Variants in CENPU observed in about 807,000 individuals in gnomAD.
The protein encoded by CENPU is centromere protein U.
CENPU carries 46 observed loss-of-function variants against 56.7 expected under a neutral mutation model. That is an observed-to-expected ratio of 0.81 (90% CI 0.64 to 1.04). The LOEUF (loss-of-function observed/expected upper bound fraction) is 1.04, where lower values mean the gene tolerates loss of function less well. CENPU is among the 50% of genes least tolerant of loss of function. CENPU has a pLI of 0.00. For synonymous variants in CENPU, 166 were observed against 163.0 expected (o/e 1.02, Z -0.14); for missense variants, 510 against 490.1 (o/e 1.04, Z -0.38).
chr4:184,699,536 C>T (rs1289847537), intron 11 of CENPU: 2 of 1,283,908 alleles, frequency 1.6e-6, no homozygotes. Context: ...ATTATATTTA[C>T]CTTTAGTTTT....
chr4:184,717,159 A>G lies in CENPU; in HGVS notation c.358T>C (p.Ser120Pro). 1 of 1,612,406 alleles carries G rather than the reference A, an allele frequency of 6.2e-7. No individual in the cohort carries two copies. The highest frequency in any genetic ancestry group is 1.7e-4 in the Middle Eastern group (1 of 5,800). The change falls in exon 5 of 13, where the codon TCT becomes CCT. Residue 120 changes from serine (S) to proline (P), a missense_variant. Ser to Pro is a moderately conservative substitution (Grantham distance 74). Transcript: ENST00000281453. ...TSGNEASEIE[S>P]VKISAKKPGR... ...ACCTTTTTTGCACTAATTTTTACAG[A>G]TTCGATTTCACTTGCTTCATTTCCA... is the stretch of plus-strand genomic sequence containing the variant.
At chr4:184,721,636 A>C (rs1049942820) in intron 4 of CENPU, among the ~76,000 whole-genome samples, 1 of 152,192 alleles carries the variant, frequency 6.6e-6, no homozygotes, top group Admixed American at 6.5e-5. Context: ...TTTAAGACAG[A>C]AACTGTAAGA....
chr4:184,707,138 TGA>T (rs1760755287), intron 8 of CENPU, among the ~76,000 whole-genome samples: 1 of 151,144 alleles, frequency 6.6e-6, no homozygotes, highest in Non-Finnish European at 1.5e-5. Flanking sequence ...ATGATAATGA[TGA>T]GTTGGCATGA....
At chr4:184,733,113 C>T (rs1354657625) in intron 1 of CENPU, among the ~76,000 whole-genome samples, 4 of 152,110 alleles carry the variant, frequency 2.6e-5, no homozygotes, top group Non-Finnish European at 5.9e-5. Context: ...ACAACAAAAA[C>T]CACTAGCCTT....
intron 4 of CENPU, among the ~76,000 whole-genome samples, chr4:184,723,791 C>A (rs1761358067): frequency 7.3e-6 from 1 of 137,632 alleles, no homozygotes; most frequent in African/African-American, 2.8e-5. Flanking sequence ...TACAGTGAGC[C>A]AAGATTGCGC....
At chr4:184,710,741 C>T (rs1760894185) in intron 7 of CENPU, among the ~76,000 whole-genome samples, 1 of 152,136 alleles carries the variant, frequency 6.6e-6, no homozygotes, top group African/African-American at 2.4e-5. Context: ...ACAATGCTCT[C>T]CCTTTTATTG....
rs1761097037 is a variant in CENPU, at chr4:184,716,436, G to A, written c.579C>T (p.Pro193=). Residue 193 remains proline (P), a synonymous_variant, in exon 6 of 13, where the codon CCC becomes CCT. Transcript: ENST00000281453. The part of the protein sequence containing the change: ...SKKTGPLSAQ[P]SVEKENLAIE... ...TTGCCAAGTTCTCTTTTTCAACAGA[G>A]GGCTGGGCACTAAGGGGTCCTGTCT... 6.2e-7 allele frequency: 1 copy of A among 1,614,120 alleles called. No homozygotes were observed. The highest frequency in any genetic ancestry group is 8.5e-7 in the Non-Finnish European group (1 of 1,179,990).
chr4:184,729,043 T>G lies in CENPU; in HGVS notation c.97-8A>C. ...GCACTTTTGACCAGCTTTCTAAAAG[T>G]GAATAAAGTTGAGTCATTGAGTTGG... On this transcript the variant is annotated splice_polypyrimidine_tract_variant and splice_region_variant and intron_variant, in intron 2 of 12. Transcript: ENST00000281453. The G allele has an allele frequency of 6.3e-7, 1 of 1,597,716 alleles. No homozygotes were observed. Among genetic ancestry groups the G allele is most frequent in the Non-Finnish European group, 8.6e-7 (1 of 1,166,948 alleles).
intron 4 of CENPU, among the ~76,000 whole-genome samples, chr4:184,722,031 C>T (rs185062843): frequency 5.9e-5 from 9 of 152,114 alleles, no homozygotes; most frequent in East Asian, 3.9e-4. Flanking sequence ...TTTTAAAAAC[C>T]GAAATATCAA....
chr4:184,721,341 C>A (rs1220303543), intron 4 of CENPU, among the ~76,000 whole-genome samples: 1 of 150,852 alleles, frequency 6.6e-6, no homozygotes, highest in East Asian at 1.9e-4. Context: ...GAAGAGAGGG[C>A]CACAAAACAA....
chr4:184,696,499 C>A (rs1760322738), intron 12 of CENPU, among the ~76,000 whole-genome samples: 1 of 152,092 alleles, frequency 6.6e-6, no homozygotes, highest in Non-Finnish European at 1.5e-5. Context: ...AATTTAGTAA[C>A]AAACTCCAAA....
At chr4:184,733,055 T>G (rs1434087043) in intron 1 of CENPU, among the ~76,000 whole-genome samples, 1 of 151,650 alleles carries the variant, frequency 6.6e-6, no homozygotes, top group Non-Finnish European at 1.5e-5. Context: ...ATGAACAGAT[T>G]TCATGAGTCT....
intron 6 of CENPU, among the ~76,000 whole-genome samples, chr4:184,714,622 T>C (rs1281429002): frequency 4.6e-5 from 7 of 152,176 alleles, no homozygotes; most frequent in Admixed American, 6.5e-5. Flanking sequence ...TGGATGTATA[T>C]TTTTAACCCA....
At chr4:184,723,733 C>G (rs1220722574) in intron 4 of CENPU, among the ~76,000 whole-genome samples, 1 of 150,138 alleles carries the variant, frequency 6.7e-6, no homozygotes, top group Non-Finnish European at 1.5e-5. Flanking sequence ...GTCCAAGCTA[C>G]TCGGGAGGGT....
Position 184,734,026 on chromosome 4 carries a change from T to A in CENPU, c.37A>T (p.Arg13Trp). The A allele has an allele frequency of 1.3e-6, 2 of 1,596,556 alleles. No homozygotes were observed. The highest frequency in any genetic ancestry group is 2.3e-5 in the East Asian group (1 of 43,416). Reference sequence around the variant, plus strand: ...GTCGGCAGTACTTACCCCTCAGACCTGTGAGGCCGCGGCCGCCGCCGCCCC... The same window carrying A: ...GTCGGCAGTACTTACCCCTCAGACCAGTGAGGCCGCGGCCGCCGCCGCCCC... ...PRGRRRPRPH[R>W]SEGARRSKNT... Residue 13 changes from arginine to tryptophan, a missense_variant, in exon 1 of 13, where the codon AGG becomes TGG. Arg to Trp is a moderately radical substitution (Grantham distance 101, BLOSUM62 -3). Transcript: ENST00000281453.
chr4:184,702,060 CTA>C (rs1326315945), intron 10 of CENPU, 27 bp downstream of exon 10: 8 of 1,474,016 alleles, frequency 5.4e-6, no homozygotes, highest in Non-Finnish European at 7.6e-6. Flanking sequence ...GTGTTTGACT[CTA>C]TGACTCTAAT....
intron 4 of CENPU, among the ~76,000 whole-genome samples, chr4:184,718,416 C>A (rs1761165744): frequency 6.6e-6 from 1 of 152,258 alleles, no homozygotes; most frequent in Non-Finnish European, 1.5e-5. Context: ...TCAGTGTCTA[C>A]TCACCCCAGG....
chr4:184,698,152 C>A (rs1040556801), intron 11 of CENPU: 9 of 178,304 alleles, frequency 5.0e-5, no homozygotes, highest in Admixed American at 1.2e-4. Context: ...GCACTACAGT[C>A]TAACACAGAA....
intron 3 of CENPU, among the ~76,000 whole-genome samples, chr4:184,726,414 G>A (rs1424520480): frequency 2.0e-5 from 3 of 152,078 alleles, no homozygotes; most frequent in Non-Finnish European, 4.4e-5. Context: ...CGGAAAAGGT[G>A]CTGAACACCA....
Sources: allele counts gnomAD v4.1 joint callset (sites outside exome capture counted in the v4.1 genomes callset), GRCh38; gene constraint gnomAD v4.1.1; transcripts MANE v1.5; gene names NCBI Gene and HGNC (gene_info 2026-07-23, HGNC 2026-07-21).